HDAC4: variants seen among roughly 807,000 people sequenced by gnomAD.
The protein encoded by HDAC4 is histone deacetylase A.
A neutral mutation model predicts 135.1 loss-of-function variants in HDAC4; 16 were observed. That is an observed-to-expected ratio of 0.12 (90% confidence interval 0.08 to 0.18). The LOEUF is 0.18. HDAC4 is among the 10% of genes least tolerant of loss of function. The pLI, the probability that HDAC4 is intolerant of heterozygous loss-of-function variation, is 1.00. For missense variants in HDAC4, 1,143 were observed against 1,511.8 expected (o/e 0.76, Z 4.05); for synonymous variants, 685 against 653.4 (o/e 1.05, Z -0.74).
rs2030723449 is a variant in HDAC4, at chr2:239,050,754, C to T, written c.*2343G>A. ...CCCCCAAGTCTGAACCCAATATACA[C>T]TTTGGAATGAAACTGGTGGCTTCAT... On this transcript the variant is annotated 3_prime_UTR_variant, in exon 27 of 27. Coordinates refer to ENST00000543185, the MANE Select transcript of HDAC4 (RefSeq NM_001378414.1). 2 of 152,616 alleles carry T rather than the reference C, an allele frequency of 1.3e-5. No homozygotes were observed. The highest frequency in any genetic ancestry group is 2.4e-5 in the African/African-American group (1 of 41,458). The allele number at this position is 152,616 out of a possible 1,614,324, so 9.5% of individuals were successfully genotyped here.
intron 15 of HDAC4, among the ~76,000 whole-genome samples, chr2:239,106,120 C>G (rs2038107800): frequency 6.6e-6 from 1 of 152,228 alleles, no homozygotes; most frequent in South Asian, 2.1e-4. Context: ...CTGCCAGCCC[C>G]TGGCCCAGTC....
rs1420679812 is a variant in HDAC4 at position 239,115,824 on chromosome 2, A to ACCTC, written c.1534-518_1534-515dup. ...TGCAGGATCCCACCGATGTGCCATG[A>ACCTC]CCTCCCTCCTGCCGGATCCTGGGAA... On this transcript the variant is annotated intron_variant, in intron 12 of 26. Coordinates refer to ENST00000543185, the MANE Select transcript of HDAC4 (RefSeq NM_001378414.1). This position sits in a 1 kb window ranked among gnomAD's most constrained non-coding sequence, Gnocchi z 6.3. 3.4e-5 allele frequency among the ~76,000 whole-genome samples: 5 copies of ACCTC among 149,226 alleles called. No homozygotes were observed. The highest frequency in any genetic ancestry group is 1.2e-4 in the African/African-American group (5 of 40,352).
In HDAC4 at chr2:239,369,635, C is replaced by T. The variant is rs1177043658; in HGVS notation, c.-219-16717G>A. Among the ~76,000 whole-genome samples, 6 of 152,260 alleles carry T rather than the reference C, an allele frequency of 3.9e-5. No individual in the cohort carries two copies. The East Asian group carries it at 7.7e-4, about 20-fold the overall frequency. ...ACGGGTCAAGCCCTGCTCTCATTTC[C>T]GCGTACACGGTGTAGCTGGGCATGA... On this transcript the variant is annotated intron_variant, in intron 1 of 26. Coordinates refer to ENST00000543185, the MANE Select transcript of HDAC4 (RefSeq NM_001378414.1).
intron 1 of HDAC4, among the ~76,000 whole-genome samples, chr2:239,377,604 C>T (rs559206274): frequency 6.6e-6 from 1 of 152,234 alleles, no homozygotes; most frequent in African/African-American, 2.4e-5. Context: ...TCGCCCAGAC[C>T]ACCAACCTGG....
chr2:239,226,184 C>A (rs538608914), intron 3 of HDAC4, among the ~76,000 whole-genome samples: 1 of 152,132 alleles, frequency 6.6e-6, no homozygotes, highest in Admixed American at 6.5e-5. Context: ...GATAAAAAGC[C>A]CTTTAACCAG....
At position 239,115,173 on chromosome 2, in the gene HDAC4, T is replaced by C. The variant is rs745559774; in HGVS notation, c.1671A>G (p.Ala557=). 9.3e-6 allele frequency: 15 copies of C among 1,611,016 alleles called. No individual in the cohort carries two copies. Among genetic ancestry groups the C allele is most frequent in the Admixed American group, 5.0e-5 (3 of 60,006 alleles). Residue 557 remains alanine (A), a synonymous_variant, in exon 13 of 27, where the codon GCA becomes GCG. Transcript: ENST00000543185. The surrounding 1 kb of genome is among the most constrained non-coding windows in gnomAD (Gnocchi z 6.3). The part of the protein sequence containing the change: ...DRLPGQKEAH[A]QAGVQVKQEP... ...CCTGCTTCACCTGCACGCCGGCCTG[T>C]GCGTGCGCCTCCTTCTGCCCCGGCA...
chr2:239,292,060 C>CCACACCAGGGGCTGCGCG (rs1199615231), intron 2 of HDAC4, among the ~76,000 whole-genome samples: 1 of 152,070 alleles, frequency 6.6e-6, no homozygotes, highest in East Asian at 1.9e-4. Context: ...CTCAGGGCGG[C>CCACACCAGGGGCTGCGCG]CACACCAGGG....
intron 6 of HDAC4, among the ~76,000 whole-genome samples, chr2:239,158,794 G>T (rs981715080): frequency 6.6e-6 from 1 of 152,056 alleles, no homozygotes; most frequent in African/African-American, 2.4e-5. Context: ...CCCAGCCCTG[G>T]TCACATGGTC....
chr2:239,140,935 G>A (rs749184198), intron 8 of HDAC4: 14 of 457,364 alleles, frequency 3.1e-5, no homozygotes, highest in Admixed American at 7.3e-5. Flanking sequence ...GAGCCACAGT[G>A]AGGAGGATGA....
At chr2:239,191,390 C>A (rs1292030290) in intron 3 of HDAC4, among the ~76,000 whole-genome samples, 2 of 152,216 alleles carry the variant, frequency 1.3e-5, no homozygotes, top group Non-Finnish European at 2.9e-5. Context: ...CCTAGGAAAA[C>A]CTGCACTCCA....
At chr2:239,184,018 G>A (rs1383552674) in intron 4 of HDAC4, among the ~76,000 whole-genome samples, 8 of 132,908 alleles carry the variant, frequency 6.0e-5, no homozygotes, top group African/African-American at 1.7e-4. Flanking sequence ...CAAGTCACAT[G>A]GACACACACA....
At chr2:239,340,447 G>A (rs568880027) in intron 2 of HDAC4, among the ~76,000 whole-genome samples, 9 of 152,218 alleles carry the variant, frequency 5.9e-5, no homozygotes, top group East Asian at 1.9e-4. Context: ...GCCTGTTGGT[G>A]CATCTCCTAA....
intron 1 of HDAC4, among the ~76,000 whole-genome samples, chr2:239,380,629 G>C (rs1330736234): frequency 6.6e-6 from 1 of 152,180 alleles, no homozygotes; most frequent in Non-Finnish European, 1.5e-5. Flanking sequence ...ACAACCACGT[G>C]AATATAATTA....
At position 239,357,148 on chromosome 2, in the gene HDAC4, C is replaced by T. The variant is rs559289953; in HGVS notation, c.-219-4230G>A. 3.8e-4 allele frequency among the ~76,000 whole-genome samples: 58 copies of T among 152,198 alleles called. No homozygotes were observed. The South Asian group carries it at 0.011, about 30-fold the overall frequency. ...ACCTTCTGGGCCATAAAACCAGTCT[C>T]GAATTCAAAAGGACAAGTCAAGTCA... On this transcript the variant is annotated intron_variant, in intron 1 of 26. Coordinates refer to ENST00000543185, the MANE Select transcript of HDAC4 (RefSeq NM_001378414.1).
In HDAC4 at chr2:239,352,791, A is replaced by C; in HGVS notation, c.-92T>G. The C allele has an allele frequency of 1.6e-6, 2 of 1,225,732 alleles. No individual in the cohort carries two copies. Among genetic ancestry groups the C allele is most frequent in the Non-Finnish European group, 2.4e-6 (2 of 850,598 alleles). 75.9% of individuals were successfully genotyped at this position (1,225,732 alleles called of 1,614,324 possible). A position where few individuals can be genotyped will look rare whatever the true frequency, so the allele number is the denominator to read the frequency against. On this transcript the variant is annotated 5_prime_UTR_variant, in exon 2 of 27. Coordinates refer to ENST00000543185, the MANE Select transcript of HDAC4 (RefSeq NM_001378414.1). The surrounding 1 kb of genome is among the most constrained non-coding windows in gnomAD (Gnocchi z 4.4). ...CAACGAGCTCCAAACTCCCACCAAC[A>C]CATACAAGTACCGGGACGGTGAGGG...
chr2:239,101,731 C>T (rs2037653118), intron 16 of HDAC4, among the ~76,000 whole-genome samples: 1 of 152,120 alleles, frequency 6.6e-6, no homozygotes, highest in African/African-American at 2.4e-5. Flanking sequence ...TGGGATCCCC[C>T]ATCCCCAGGT....
At chr2:239,151,498 G>C (rs2042116292) in intron 7 of HDAC4, among the ~76,000 whole-genome samples, 1 of 152,228 alleles carries the variant, frequency 6.6e-6, no homozygotes, top group Non-Finnish European at 1.5e-5. Context: ...TGAGTGACTG[G>C]TTTCAGAAGG....
Position 239,181,794 on chromosome 2 carries a change from G to A in HDAC4, c.340-5231C>T, listed in dbSNP as rs528143840. Among the ~76,000 whole-genome samples, 64 of 152,328 alleles carry A rather than the reference G, an allele frequency of 4.2e-4. 1 individual carries two copies. In the South Asian group the frequency reaches 0.012, roughly 28 times the overall value. Reference sequence around the variant, plus strand: ...GTGGCACCTGCCCCCAAGGGTTCCTGTGAGGACTGGAAGAGGTGGCATGGG... The same window carrying A: ...GTGGCACCTGCCCCCAAGGGTTCCTATGAGGACTGGAAGAGGTGGCATGGG... On this transcript the variant is annotated intron_variant, in intron 4 of 26. Transcript: ENST00000543185.
chr2:239,114,957 C>A, intron 13 of HDAC4, 96 bp downstream of exon 13: 1 of 1,444,240 alleles, frequency 6.9e-7, no homozygotes. Flanking sequence ...CGCAAGGATG[C>A]CCTGCAGCCC....
Sources: gnomAD v4.1 joint callset for allele counts (sites outside exome capture counted in the v4.1 genomes callset) on GRCh38, gnomAD v4.1.1 for gene constraint, Gnocchi (gnomAD v3.1) non-coding constraint, MANE v1.5 for transcripts, NCBI Gene and HGNC (gene_info 2026-07-23, HGNC 2026-07-21) for gene names.